AIMP1: variants seen among roughly 807,000 people sequenced by gnomAD.
The protein encoded by AIMP1 is aminoacyl tRNA synthase complex-interacting multifunctional protein 1.
AIMP1 carries 24 observed loss-of-function variants against 33.1 expected under a neutral mutation model. The ratio of observed to expected loss-of-function variants is 0.73; its 90% confidence interval spans 0.53 to 1.02. The LOEUF (loss-of-function observed/expected upper bound fraction) is 1.02, where lower values mean the gene tolerates loss of function less well. AIMP1 is among the 50% of genes least tolerant of loss of function. The pLI is 0.00. For missense variants in AIMP1, 367 were observed against 364.8 expected (o/e 1.01, Z -0.05); for synonymous variants, 120 against 121.5 (o/e 0.99, Z 0.08).
intron 6 of AIMP1, among the ~76,000 whole-genome samples, chr4:106,346,240 A>C (rs1770292257): frequency 6.6e-6 from 1 of 152,066 alleles, no homozygotes; most frequent in Admixed American, 6.6e-5. Flanking sequence ...CTTGTCTTTA[A>C]GCCTAGACCA....
chr4:106,324,931 AG>A (rs2125920790), intron 1 of AIMP1, 53 bp from the exon 2 acceptor site: 1 of 1,427,150 alleles, frequency 7.0e-7, no homozygotes, highest in African/African-American at 1.4e-5. Flanking sequence ...AGTGGCCTAT[AG>A]TATAAATTTA....
intron 1 of AIMP1, among the ~76,000 whole-genome samples, chr4:106,323,751 AT>A (rs1769357301): frequency 6.6e-6 from 1 of 152,086 alleles, no homozygotes; most frequent in Non-Finnish European, 1.5e-5. Flanking sequence ...ACAAACAATA[AT>A]GAGTATCTGA....
upstream of AIMP1, chr4:106,316,190 A>T (rs1768837615): frequency 5.1e-6 from 1 of 194,978 alleles, no homozygotes; most frequent in South Asian, 1.2e-4. Context: ...CCAAACACAG[A>T]TCCGAGCTTT....
At chr4:106,327,672 TC>T in intron 3 of AIMP1, 108 bp downstream of exon 3, 1 of 744,928 alleles carries the variant, frequency 1.3e-6, no homozygotes, top group South Asian at 1.7e-5. Flanking sequence ...TTGGACAACT[TC>T]ATAACTTCTA....
At chr4:106,328,277 A>G (rs1403896215) in intron 4 of AIMP1, 34 bp downstream of exon 4, 1 of 1,566,018 alleles carries the variant, frequency 6.4e-7, no homozygotes, top group Non-Finnish European at 8.7e-7. Flanking sequence ...TTAGCTCTTG[A>G]CTGGATTATC....
In AIMP1 at chr4:106,348,867, A is replaced by G. The variant is rs1245282240; in HGVS notation, c.*1175A>G. ...GAATGGCATCAATAGAGGCAGAAGT[A>G]TAGACATTGTTTTAAAAATACACAC... On this transcript the variant is annotated 3_prime_UTR_variant, in exon 7 of 7. Coordinates refer to ENST00000672341, the MANE Select transcript of AIMP1 (RefSeq NM_001142416.2). The G allele has an allele frequency of 6.6e-6, 1 of 152,074 alleles. No individual in the cohort carries two copies. The highest frequency in any genetic ancestry group is 1.5e-5 in the Non-Finnish European group (1 of 67,998). 9.4% of individuals were successfully genotyped at this position (152,074 alleles called of 1,614,324 possible).
chr4:106,320,856 C>T (rs1052515953), intron 1 of AIMP1, among the ~76,000 whole-genome samples: 2 of 152,294 alleles, frequency 1.3e-5, no homozygotes, highest in African/African-American at 2.4e-5. Context: ...GCCTGATTCT[C>T]CTGCCTCAGT....
At chr4:106,336,796 A>G in intron 5 of AIMP1, 73 bp from the exon 6 acceptor site, 8 of 1,360,784 alleles carry the variant, frequency 5.9e-6, no homozygotes, top group Non-Finnish European at 8.4e-6. Flanking sequence ...TATTAGGTGT[A>G]GCTTAATGTA....
chr4:106,346,558 C>G (rs1353408459), intron 6 of AIMP1, among the ~76,000 whole-genome samples: 1 of 152,120 alleles, frequency 6.6e-6, no homozygotes, highest in Non-Finnish European at 1.5e-5. Context: ...TTACTCCTTT[C>G]TGTTTCTTTA....
chr4:106,321,629 T>C, intron 1 of AIMP1: 1 of 161,516 alleles, frequency 6.2e-6, no homozygotes, highest in Non-Finnish European at 1.3e-5. Flanking sequence ...GGAGGGCGCC[T>C]CTGCCCGGCC....
chr4:106,329,935 G>A (rs902185967), intron 4 of AIMP1, among the ~76,000 whole-genome samples: 17 of 151,678 alleles, frequency 1.1e-4, no homozygotes, highest in East Asian at 7.7e-4. Flanking sequence ...GGTGCATGCC[G>A]CCATGCCTGG....
chr4:106,334,355 C>T (rs1199110563), intron 5 of AIMP1, among the ~76,000 whole-genome samples: 1 of 151,186 alleles, frequency 6.6e-6, no homozygotes, highest in African/African-American at 2.4e-5. Flanking sequence ...CTGCCTGCCT[C>T]CCGGATTCAA....
At chr4:106,347,304 A>G (rs181184905) in intron 6 of AIMP1, among the ~76,000 whole-genome samples, 176 of 152,290 alleles carry the variant, frequency 1.2e-3, no homozygotes, top group Admixed American at 2.6e-3. Context: ...GTAAAATATG[A>G]TATCTTTAAT....
intron 5 of AIMP1, 103 bp downstream of exon 5, chr4:106,331,986 C>T: frequency 8.9e-7 from 1 of 1,119,756 alleles, no homozygotes; most frequent in Non-Finnish European, 1.4e-6. Context: ...CAACATGTGC[C>T]CTTGTTAATT....
chr4:106,335,348 T>C (rs1382546167), intron 5 of AIMP1, among the ~76,000 whole-genome samples: 2 of 152,122 alleles, frequency 1.3e-5, no homozygotes, highest in Admixed American at 1.3e-4. Flanking sequence ...GACTATTTTT[T>C]CTCTTCCAGC....
rs1769495054 is a variant in AIMP1, at chr4:106,327,433, G to A, written c.110-18G>A. On this transcript the variant is annotated intron_variant, in intron 2 of 6. Coordinates refer to ENST00000672341, the MANE Select transcript of AIMP1 (RefSeq NM_001142416.2). ...CCTCTTTTAAAAACATATTTTAACT[G>A]GATGTTCTTGATCCTAGTTTTGCAG... The A allele has an allele frequency of 1.9e-6, 3 of 1,553,038 alleles. No homozygotes were observed. Among genetic ancestry groups the A allele is most frequent in the African/African-American group, 2.7e-5 (2 of 73,656 alleles).
chr4:106,325,260 T>A (rs961861051), intron 2 of AIMP1, 142 bp downstream of exon 2: 31 of 784,456 alleles, frequency 4.0e-5, no homozygotes, highest in South Asian at 3.5e-4. Context: ...AAACCTGAAT[T>A]TCTACCTTCA....
At chr4:106,323,116 T>TA (rs1307583722) in intron 1 of AIMP1, among the ~76,000 whole-genome samples, 1 of 152,216 alleles carries the variant, frequency 6.6e-6, no homozygotes, top group Non-Finnish European at 1.5e-5. Flanking sequence ...TTCCTAAACT[T>TA]ATGCTTGTTC....
At chr4:106,316,762 G>T in intron 1 of AIMP1, 168 bp downstream of exon 1, 1 of 589,866 alleles carries the variant, frequency 1.7e-6, no homozygotes, top group Non-Finnish European at 2.9e-6. Flanking sequence ...AAGAGTTTGA[G>T]ACTTCCTTCT....
Sources: allele counts gnomAD v4.1 joint callset (sites outside exome capture counted in the v4.1 genomes callset), GRCh38; gene constraint gnomAD v4.1.1; transcripts MANE v1.5; gene names NCBI Gene and HGNC (gene_info 2026-07-23, HGNC 2026-07-21).